Variants in STAC observed in about 807,000 individuals in gnomAD.
STAC encodes the protein SH3 and cysteine rich domain.
Under a neutral mutation model 48.8 loss-of-function variants are expected in STAC, and 43 were observed. The ratio of observed to expected loss-of-function variants is 0.88; its 90% CI spans 0.69 to 1.14. The LOEUF (loss-of-function observed/expected upper bound fraction) is 1.14. Ranked by LOEUF, STAC falls within the 50% of genes most tolerant of loss-of-function variation. The pLI is 0.00. For synonymous variants in STAC, 193 were observed against 179.5 expected, an observed-to-expected ratio of 1.07 and a Z score of -0.60; for missense variants, 497 against 504.0, an observed-to-expected ratio of 0.99 and a Z score of 0.13.
intron 8 of STAC, among the ~76,000 whole-genome samples, chr3:36,518,359 G>A (rs6777047): frequency 0.6 from 90,317 of 151,740 alleles, 27,518 homozygotes; most frequent in East Asian, 0.76. Context: ...AATCATTTTC[G>A]TTTTTATTAG....
intron 1 of STAC, among the ~76,000 whole-genome samples, chr3:36,395,701 G>C (rs569066981): frequency 4.6e-5 from 7 of 152,292 alleles, no homozygotes; most frequent in African/African-American, 1.7e-4. Flanking sequence ...TACAAACAAA[G>C]TCATCAAGAA....
intron 1 of STAC, among the ~76,000 whole-genome samples, chr3:36,434,485 TC>T (rs963052946): frequency 2.6e-5 from 4 of 152,216 alleles, no homozygotes; most frequent in African/African-American, 9.6e-5. Flanking sequence ...TGACTTCATT[TC>T]AACTCAGAAG....
At chr3:36,495,988 TC>T (rs1419485619) in intron 6 of STAC, among the ~76,000 whole-genome samples, 1 of 152,164 alleles carries the variant, frequency 6.6e-6, no homozygotes, top group Non-Finnish European at 1.5e-5. Flanking sequence ...TCCAATTCCC[TC>T]CCCTTCAATA....
intron 8 of STAC, among the ~76,000 whole-genome samples, chr3:36,514,235 T>TTTTC (rs71085129): frequency 6.2e-5 from 7 of 112,014 alleles, no homozygotes; most frequent in East Asian, 2.2e-4. Context: ...TTTTTTTTTT[T>TTTTC]CACAAAAGGA....
intron 2 of STAC, among the ~76,000 whole-genome samples, chr3:36,481,163 A>C (rs1336942555): frequency 6.6e-6 from 1 of 152,152 alleles, no homozygotes; most frequent in Non-Finnish European, 1.5e-5. Context: ...TAGAGAGCTG[A>C]GGAATTAAAG....
chr3:36,523,374 G>C (rs371050764), intron 8 of STAC, among the ~76,000 whole-genome samples: 252 of 152,288 alleles, frequency 1.7e-3, no homozygotes, highest in African/African-American at 5.7e-3. Context: ...ACTGATGCTT[G>C]AATTGTTTAT....
intron 2 of STAC, among the ~76,000 whole-genome samples, chr3:36,444,670 T>C (rs565071255): frequency 2.0e-5 from 3 of 152,222 alleles, no homozygotes; most frequent in African/African-American, 4.8e-5. Context: ...CCACCTGCCG[T>C]CTCTAGTAGC....
intron 7 of STAC, 48 bp downstream of exon 7, chr3:36,504,505 A>T (rs774057094): frequency 6.4e-7 from 1 of 1,556,108 alleles, no homozygotes; most frequent in Non-Finnish European, 8.9e-7. Flanking sequence ...GTCCTTAGAT[A>T]GACCTGCAGG....
At chr3:36,514,252 C>T (rs151186189) in intron 8 of STAC, among the ~76,000 whole-genome samples, 135 of 135,944 alleles carry the variant, frequency 9.9e-4, no homozygotes, top group African/African-American at 3.5e-3. Context: ...AGGACCACAC[C>T]GCCCACTTGC....
intron 1 of STAC, among the ~76,000 whole-genome samples, chr3:36,421,105 T>G (rs1011717052): frequency 6.6e-6 from 1 of 152,198 alleles, no homozygotes; most frequent in African/African-American, 2.4e-5. Context: ...TGCTTTGATA[T>G]CCCTCCTTCC....
chr3:36,384,575 C>T (rs1051734875), intron 1 of STAC, among the ~76,000 whole-genome samples: 4 of 152,178 alleles, frequency 2.6e-5, no homozygotes, highest in Admixed American at 6.5e-5. Context: ...GGAATAATTT[C>T]AATAACCACA....
chr3:36,420,558 T>C (rs1160192440), intron 1 of STAC, among the ~76,000 whole-genome samples: 1 of 152,150 alleles, frequency 6.6e-6, no homozygotes, highest in Non-Finnish European at 1.5e-5. Context: ...ACAAACCGTA[T>C]TGTGAACTGT....
At chr3:36,497,025 T>TA (rs200733016) in intron 6 of STAC, among the ~76,000 whole-genome samples, 12,339 of 144,952 alleles carry the variant, frequency 0.085, 644 homozygotes, top group Non-Finnish European at 0.12. Context: ...AATTTTATTC[T>TA]AAAAAAAAAA....
chr3:36,483,885 A>C (rs976115981), intron 3 of STAC, among the ~76,000 whole-genome samples: 9 of 152,228 alleles, frequency 5.9e-5, no homozygotes, highest in Non-Finnish European at 1.3e-4. Flanking sequence ...CAGAAGGCAG[A>C]GGTTTCAGTA....
intron 1 of STAC, among the ~76,000 whole-genome samples, chr3:36,422,635 G>A (rs1241675521): frequency 1.3e-5 from 2 of 151,964 alleles, no homozygotes; most frequent in African/African-American, 4.8e-5. Flanking sequence ...TATGTTTTGA[G>A]CATTAGTCTC....
At chr3:36,431,003 C>T (rs1487749327) in intron 1 of STAC, among the ~76,000 whole-genome samples, 3 of 152,122 alleles carry the variant, frequency 2.0e-5, no homozygotes, top group African/African-American at 7.2e-5. Flanking sequence ...ACAATTCACC[C>T]GGTAGCAAAT....
intron 1 of STAC, among the ~76,000 whole-genome samples, chr3:36,433,092 G>A (rs1700744492): frequency 6.6e-6 from 1 of 152,148 alleles, no homozygotes; most frequent in African/African-American, 2.4e-5. Flanking sequence ...GCTGCATACT[G>A]GGGGTCACGT....
At chr3:36,440,643 G>A (rs1696318561) in intron 1 of STAC, among the ~76,000 whole-genome samples, 1 of 152,232 alleles carries the variant, frequency 6.6e-6, no homozygotes, top group Admixed American at 6.5e-5. Context: ...TATTCAAGGA[G>A]TGGGAAACTA....
intron 1 of STAC, among the ~76,000 whole-genome samples, chr3:36,392,421 C>T (rs1039561862): frequency 1.3e-5 from 2 of 152,084 alleles, no homozygotes; most frequent in Middle Eastern, 3.2e-3. Context: ...CTCACTGCAG[C>T]CTCAGCCTCC....
Sources: gnomAD v4.1 joint callset for allele counts (sites outside exome capture counted in the v4.1 genomes callset) on GRCh38, gnomAD v4.1.1 for gene constraint, MANE v1.5 for transcripts, NCBI Gene and HGNC (gene_info 2026-07-23, HGNC 2026-07-21) for gene names.